The following IGF1 variants were observed in gnomAD, a reference collection of about 807,000 sequenced individuals.
The protein encoded by IGF1 is insulin like growth factor 1.
Under a neutral mutation model 13.8 loss-of-function variants are expected in IGF1, and 4 were observed. The observed-to-expected ratio is 0.29, with a 90% CI of 0.14 to 0.66. The LOEUF (loss-of-function observed/expected upper bound fraction) is 0.66. Ranked by LOEUF, IGF1 falls within the 30% of genes least tolerant of loss-of-function variation. The pLI, the probability that IGF1 is intolerant of heterozygous loss-of-function variation, is 0.78. For synonymous variants in IGF1, 76 were observed against 72.6 expected, an observed-to-expected ratio of 1.05 and a Z score of -0.23; for missense variants, 124 against 188.5, an observed-to-expected ratio of 0.66 and a Z score of 2.00.
At chr12:102,473,455 C>A (rs1411713199) in intron 2 of IGF1, among the ~76,000 whole-genome samples, 4 of 152,066 alleles carry the variant, frequency 2.6e-5, no homozygotes, top group African/African-American at 9.7e-5. Context: ...ATAAGATTGT[C>A]CAGTTGACTA....
At chr12:102,466,673 G>A (rs1293570296) in intron 2 of IGF1, among the ~76,000 whole-genome samples, 2 of 152,050 alleles carry the variant, frequency 1.3e-5, no homozygotes, top group Non-Finnish European at 2.9e-5. Flanking sequence ...AGACTGAGGC[G>A]GGCAGATCAC....
At chr12:102,476,644 T>C (rs556202555) in intron 1 of IGF1, among the ~76,000 whole-genome samples, 4 of 152,332 alleles carry the variant, frequency 2.6e-5, no homozygotes, top group African/African-American at 9.6e-5. Context: ...GGCACTGGGC[T>C]CAAACTGGCA....
Position 102,475,740 on chromosome 12 carries a change from G to A in IGF1, c.123C>T (p.Thr41=). Residue 41 remains threonine, a synonymous_variant, in exon 2 of 4, where the codon ACC becomes ACT. Coordinates refer to ENST00000337514, the MANE Select transcript of IGF1 (RefSeq NM_000618.5). The stretch of plus-strand genomic sequence containing the variant: ...GTCCAGCCGTGGCAGAGCTGGTGAA[G>A]GTGAGCAGGCACAGCGCCAGGTAGA... The part of the protein sequence containing the change: ...HLFYLALCLL[T]FTSSATAGPE... The A allele has an allele frequency of 6.2e-7, 1 of 1,614,222 alleles. No individual in the cohort carries two copies. Among genetic ancestry groups the A allele is most frequent in the Non-Finnish European group, 8.5e-7 (1 of 1,180,046 alleles).
At chr12:102,440,332 C>T (rs1340448584) in intron 2 of IGF1, among the ~76,000 whole-genome samples, 1 of 152,178 alleles carries the variant, frequency 6.6e-6, no homozygotes, top group Non-Finnish European at 1.5e-5. Flanking sequence ...CCTGCTTCTC[C>T]ATCTTGTGTG....
intron 3 of IGF1, among the ~76,000 whole-genome samples, chr12:102,410,177 A>T (rs1464284757): frequency 6.6e-6 from 1 of 152,120 alleles, no homozygotes; most frequent in African/African-American, 2.4e-5. Flanking sequence ...CTCTATCAAA[A>T]TGGTTTAAAA....
intron 2 of IGF1, among the ~76,000 whole-genome samples, chr12:102,426,810 T>G (rs1481860246): frequency 6.6e-6 from 1 of 152,202 alleles, no homozygotes; most frequent in Admixed American, 6.5e-5. Flanking sequence ...CCCAATCACT[T>G]TCACCCAGCA....
chr12:102,421,016 T>C (rs757185473), intron 2 of IGF1, among the ~76,000 whole-genome samples: 12 of 152,194 alleles, frequency 7.9e-5, no homozygotes, highest in Non-Finnish European at 1.3e-4. Context: ...TTGGGGGAGA[T>C]CAGGCCCATG....
chr12:102,418,646 A>T (rs1421807526), intron 3 of IGF1, among the ~76,000 whole-genome samples: 2 of 151,932 alleles, frequency 1.3e-5, no homozygotes, highest in Non-Finnish European at 2.9e-5. Context: ...TTCCTCCTTT[A>T]CCTTCTCTTT....
chr12:102,480,788 C>T (rs1461031229), upstream of IGF1: 21 of 331,776 alleles, frequency 6.3e-5, no homozygotes, highest in African/African-American at 3.6e-4. Context: ...TGACAGGGTT[C>T]GCAGACATTA....
intron 2 of IGF1, among the ~76,000 whole-genome samples, chr12:102,450,523 C>T (rs1878827084): frequency 6.6e-6 from 1 of 152,214 alleles, no homozygotes; most frequent in Non-Finnish European, 1.5e-5. Context: ...TAAAATGCTG[C>T]ATTTCCAGAT....
At chr12:102,424,239 CTTT>C (rs11305762) in intron 2 of IGF1, among the ~76,000 whole-genome samples, 6 of 139,110 alleles carry the variant, frequency 4.3e-5, no homozygotes, top group Admixed American at 1.5e-4. Flanking sequence ...AAGTTGATCC[CTTT>C]TTTTTTTTTT....
intron 2 of IGF1, among the ~76,000 whole-genome samples, chr12:102,456,410 A>C (rs577999943): frequency 6.6e-6 from 1 of 152,250 alleles, no homozygotes; most frequent in Non-Finnish European, 1.5e-5. Context: ...AAAGGTATCA[A>C]ATCTAACTGT....
chr12:102,404,505 T>A (rs1243791303), intron 3 of IGF1, among the ~76,000 whole-genome samples: 1 of 152,166 alleles, frequency 6.6e-6, no homozygotes, highest in Non-Finnish European at 1.5e-5. Context: ...GGTCAACATC[T>A]TGTACTGACT....
intron 2 of IGF1, among the ~76,000 whole-genome samples, chr12:102,470,759 G>T (rs1592831422): frequency 6.6e-6 from 1 of 152,192 alleles, no homozygotes; most frequent in Non-Finnish European, 1.5e-5. Context: ...CTAATGGTGG[G>T]TGAGTGTGAT....
intron 3 of IGF1, among the ~76,000 whole-genome samples, chr12:102,412,896 A>G (rs1403251305): frequency 6.6e-6 from 1 of 152,202 alleles, no homozygotes; most frequent in Non-Finnish European, 1.5e-5. Flanking sequence ...GGATGGCACT[A>G]AAGGCATTAA....
chr12:102,442,889 G>T (rs151143994), intron 2 of IGF1, among the ~76,000 whole-genome samples: 1 of 152,190 alleles, frequency 6.6e-6, no homozygotes, highest in Non-Finnish European at 1.5e-5. Context: ...TATATGCCAG[G>T]CACTGTGCTA....
rs1368557475 is a variant in IGF1, at chr12:102,401,142, T to A, written c.*1365A>T. 1.3e-5 allele frequency: 2 copies of A among 151,994 alleles called. No homozygotes were observed. The highest frequency in any genetic ancestry group is 4.8e-5 in the African/African-American group (2 of 41,374). The allele number at this position is 151,994 out of a possible 1,614,324, so 9.4% of individuals were successfully genotyped here. A position where few individuals can be genotyped will look rare whatever the true frequency, so the allele number is the denominator to read the frequency against. Reference sequence around the variant, plus strand: ...GTTGCACCCTTACAGCAACCCAGGGTAAAAAAAATCTGAATCTTTATCTTT... The same window carrying A: ...GTTGCACCCTTACAGCAACCCAGGGAAAAAAAAATCTGAATCTTTATCTTT... On this transcript the variant is annotated 3_prime_UTR_variant, in exon 4 of 4. Transcript: ENST00000337514.
chr12:102,410,753 G>A (rs1256804385), intron 3 of IGF1, among the ~76,000 whole-genome samples: 1 of 152,198 alleles, frequency 6.6e-6, no homozygotes, highest in African/African-American at 2.4e-5. Flanking sequence ...CCTTGTGTGT[G>A]TGACAAATCT....
chr12:102,434,017 G>A (rs1483430505), intron 2 of IGF1, among the ~76,000 whole-genome samples: 1 of 152,084 alleles, frequency 6.6e-6, no homozygotes, highest in South Asian at 2.1e-4. Context: ...TAGAACACAG[G>A]CTCTGGAGGA....
Sources: gnomAD v4.1 joint callset for allele counts (sites outside exome capture counted in the v4.1 genomes callset) on GRCh38, gnomAD v4.1.1 for gene constraint, MANE v1.5 for transcripts, NCBI Gene and HGNC (gene_info 2026-07-23, HGNC 2026-07-21) for gene names.